The following ASPH variants were observed in gnomAD, a reference collection of about 807,000 sequenced individuals.
ASPH encodes the protein aspartate beta-hydroxylase.
ASPH carries 100 observed loss-of-function variants against 118.4 expected under a neutral mutation model. The ratio of observed to expected loss-of-function variants is 0.84; its 90% CI spans 0.72 to 1.00. The LOEUF (loss-of-function observed/expected upper bound fraction) is 1.00. ASPH is among the 50% of genes least tolerant of loss of function. ASPH has a pLI of 0.00. For synonymous variants in ASPH, 315 were observed against 325.6 expected (o/e 0.97, Z 0.35); for missense variants, 920 against 919.5 (o/e 1.00, Z -0.01).
In ASPH at chr8:61,583,926, C is replaced by CA. The variant is rs775975929; in HGVS notation, c.1062+17dup. 2.6e-6 allele frequency: 4 copies of CA among 1,510,864 alleles called. No homozygotes were observed. The highest frequency in any genetic ancestry group is 3.6e-6 in the Non-Finnish European group (4 of 1,110,406). 93.6% of individuals were successfully genotyped at this position (1,510,864 alleles called of 1,614,324 possible). On this transcript the variant is annotated intron_variant, in intron 15 of 24. Coordinates refer to ENST00000379454, the MANE Select transcript of ASPH (RefSeq NM_004318.4). ...TTTATTTAACAACAAAACCATTGCA[C>CA]AAAAAATATCAACCTACCCTTTTAC...
At chr8:61,643,794 C>A in intron 8 of ASPH, 151 bp downstream of exon 8, 1 of 701,492 alleles carries the variant, frequency 1.4e-6, no homozygotes, top group Non-Finnish European at 2.5e-6. Flanking sequence ...TATATTCAGA[C>A]ATTTCTATAA....
chr8:61,570,363 C>T (rs1833104768), intron 16 of ASPH, among the ~76,000 whole-genome samples: 1 of 152,172 alleles, frequency 6.6e-6, no homozygotes, highest in African/African-American at 2.4e-5. Flanking sequence ...CTGTGGTTCA[C>T]TCTCTTCATT....
At position 61,500,971 on chromosome 8, in the gene ASPH, T is replaced by TTTAA. The variant is rs756333602; in HGVS notation, c.*2384_*2387dup. On this transcript the variant is annotated 3_prime_UTR_variant, in exon 25 of 25. Transcript: ENST00000379454. ...ATCTCTTTCTCAATGGATCTAATGT[T>TTTAA]TTAATTTTTTCCCCTATTGGTAGAG... 3 of 152,206 alleles carry TTTAA rather than the reference T, an allele frequency of 2.0e-5. No individual in the cohort carries two copies. Among genetic ancestry groups the TTTAA allele is most frequent in the African/African-American group, 7.2e-5 (3 of 41,462 alleles). 9.4% of individuals were successfully genotyped at this position (152,206 alleles called of 1,614,324 possible).
intron 1 of ASPH, among the ~76,000 whole-genome samples, chr8:61,710,421 T>C (rs190217623): frequency 2.0e-5 from 3 of 152,360 alleles, no homozygotes; most frequent in East Asian, 3.9e-4. Flanking sequence ...TGGCTGAAAA[T>C]GAAAATGTCA....
In ASPH at chr8:61,693,371, C is replaced by T. The variant is rs1184180246; in HGVS notation, c.104-9183G>A. On this transcript the variant is annotated intron_variant, in intron 1 of 24. Transcript: ENST00000379454. Reference sequence around the variant, plus strand: ...AGATTCCGTAACCCTGCTAAGAAGGCTCTGCTTTTTTGGCTCCATCATAAT... The same window carrying T: ...AGATTCCGTAACCCTGCTAAGAAGGTTCTGCTTTTTTGGCTCCATCATAAT... Among the ~76,000 whole-genome samples, 3 of 152,206 alleles carry T rather than the reference C, an allele frequency of 2.0e-5. No individual in the cohort carries two copies. In the East Asian group the frequency reaches 5.8e-4, roughly 29 times the overall value.
At chr8:61,680,774 T>C (rs74807913) in intron 3 of ASPH, 194 bp downstream of exon 3, 2 of 431,514 alleles carry the variant, frequency 4.6e-6, no homozygotes, top group East Asian at 3.7e-5. Context: ...CACTTATTCA[T>C]TGATAAAAGT....
chr8:61,650,919 G>A (rs564278549), intron 5 of ASPH, 131 bp downstream of exon 5: 5 of 869,034 alleles, frequency 5.8e-6, no homozygotes, highest in South Asian at 3.6e-5. Flanking sequence ...ATCTAACTTT[G>A]AATTCAAAAA....
chr8:61,584,330 A>T (rs182850796), intron 14 of ASPH, among the ~76,000 whole-genome samples: 12 of 152,350 alleles, frequency 7.9e-5, no homozygotes, highest in African/African-American at 2.6e-4. Context: ...AATGGTGGGT[A>T]TGACTCCTAA....
chr8:61,554,653 A>T (rs1827191944), intron 19 of ASPH, among the ~76,000 whole-genome samples: 1 of 152,240 alleles, frequency 6.6e-6, no homozygotes, highest in South Asian at 2.1e-4. Context: ...GAACACAGAT[A>T]AAAAACATTT....
intron 21 of ASPH, among the ~76,000 whole-genome samples, chr8:61,547,682 A>T (rs1824423785): frequency 1.3e-5 from 2 of 152,070 alleles, no homozygotes; most frequent in Admixed American, 1.3e-4. Context: ...TAATTTTTTT[A>T]AAAAGTTATT....
chr8:61,683,993 T>A, intron 2 of ASPH, 46 bp downstream of exon 2: 16 of 1,579,466 alleles, frequency 1.0e-5, no homozygotes, highest in African/African-American at 1.4e-5. Context: ...CTAAGAGATG[T>A]CACTTACTCT....
intron 22 of ASPH, 71 bp downstream of exon 22, chr8:61,525,906 A>C: frequency 1.3e-6 from 2 of 1,579,006 alleles, no homozygotes; most frequent in Non-Finnish European, 1.7e-6. Context: ...GCATCACCAG[A>C]AGACTCTTGT....
rs1804668542 is a variant in ASPH at position 61,500,638 on chromosome 8, A to AAAT, written c.*2718_*2720dup. On this transcript the variant is annotated 3_prime_UTR_variant, in exon 25 of 25. Coordinates refer to ENST00000379454, the MANE Select transcript of ASPH (RefSeq NM_004318.4). The stretch of plus-strand genomic sequence containing the variant: ...ACTCATTCAAAAGAAATCAGACATA[A>AAAT]AATAAACAGACATCATATATGATAT... 7.3e-6 allele frequency: 1 copy of AAAT among 136,992 alleles called. No homozygotes were observed. Among genetic ancestry groups the AAAT allele is most frequent in the Non-Finnish European group, 1.5e-5 (1 of 66,356 alleles). The allele number at this position is 136,992 out of a possible 1,614,324, so 8.5% of individuals were successfully genotyped here. A position where few individuals can be genotyped will look rare whatever the true frequency, so the allele number is the denominator to read the frequency against.
chr8:61,662,906 G>A, intron 3 of ASPH: 1 of 984,688 alleles, frequency 1.0e-6, no homozygotes, highest in Non-Finnish European at 1.2e-6. Flanking sequence ...TCACTCATTT[G>A]TTTAGAATTT....
chr8:61,569,113 A>G (rs1358062930), intron 16 of ASPH, among the ~76,000 whole-genome samples: 1 of 152,226 alleles, frequency 6.6e-6, no homozygotes, highest in Non-Finnish European at 1.5e-5. Flanking sequence ...ATACAGGCAC[A>G]GGTAGAGGAT....
intron 4 of ASPH, among the ~76,000 whole-genome samples, chr8:61,653,089 A>G (rs1317854289): frequency 6.6e-6 from 1 of 152,176 alleles, no homozygotes; most frequent in East Asian, 1.9e-4. Context: ...TGATTTATGA[A>G]CCCATGTGGA....
chr8:61,528,216 G>C (rs1434275164), intron 21 of ASPH, among the ~76,000 whole-genome samples: 1 of 152,150 alleles, frequency 6.6e-6, no homozygotes, highest in Non-Finnish European at 1.5e-5. Context: ...TTTCAATAAA[G>C]AGACATTCAA....
intron 12 of ASPH, 95 bp from the exon 13 acceptor site, chr8:61,633,822 A>T: frequency 1.2e-6 from 1 of 828,706 alleles, no homozygotes; most frequent in Non-Finnish European, 1.8e-6. Context: ...TACTTTTCAT[A>T]GATTTTTTAA....
chr8:61,666,314 A>C (rs1455349512), intron 3 of ASPH, among the ~76,000 whole-genome samples: 2 of 152,184 alleles, frequency 1.3e-5, no homozygotes, highest in African/African-American at 4.8e-5. Context: ...AATTAAATGA[A>C]ACACACAGCT....
Sources: gnomAD v4.1 joint callset for allele counts (sites outside exome capture counted in the v4.1 genomes callset) on GRCh38, gnomAD v4.1.1 for gene constraint, MANE v1.5 for transcripts, NCBI Gene and HGNC (gene_info 2026-07-23, HGNC 2026-07-21) for gene names.